The following NLGN4X variants were observed in gnomAD, a reference collection of about 807,000 sequenced individuals.
NLGN4X encodes neuroligin 4 X-linked.
A neutral mutation model predicts 40.3 loss-of-function variants in NLGN4X; 3 were observed. The ratio of observed to expected loss-of-function variants is 0.07; its 90% CI spans 0.03 to 0.19. The LOEUF (loss-of-function observed/expected upper bound fraction) is 0.19, where lower values mean the gene tolerates loss of function less well. Among genes scored for constraint, NLGN4X ranks in the 10% least tolerant of loss-of-function variants. The pLI is 1.00. For synonymous variants in NLGN4X, 270 were observed against 306.8 expected (o/e 0.88, Z 1.25); for missense variants, 382 against 708.3 (o/e 0.54, Z 5.23).
At position 6,046,649 on chromosome X, in the gene NLGN4X, C is replaced by T. The variant is rs767543959; in HGVS notation, c.473-17217G>A. ...ATTAATGAAGATGATGGCATTTTTGCTGCATATATATATGCGCATAGACGA... is the reference window on the plus strand; with the variant it reads ...ATTAATGAAGATGATGGCATTTTTGTTGCATATATATATGCGCATAGACGA... On this transcript the variant is annotated intron_variant, in intron 2 of 5. Coordinates refer to ENST00000381095, the MANE Select transcript of NLGN4X (RefSeq NM_181332.3). Among the ~76,000 whole-genome samples the T allele has an allele frequency of 4.8e-4, 53 of 110,775 alleles. No homozygotes were observed. The East Asian group carries it at 0.014, about 30-fold the overall frequency.
chrX:6,001,946 G>GT (rs922274718), intron 3 of NLGN4X, among the ~76,000 whole-genome samples: 6 of 111,556 alleles, frequency 5.4e-5, no homozygotes, highest in Admixed American at 2.9e-4. Flanking sequence ...CCACTAAGGG[G>GT]TGTAGAATAT....
At chrX:6,074,547 A>T (rs2147376340) in intron 2 of NLGN4X, among the ~76,000 whole-genome samples, 1 of 112,076 alleles carries the variant, frequency 8.9e-6, no homozygotes, top group African/African-American at 3.2e-5. Flanking sequence ...CAGAGGTCAG[A>T]TTATCTTGCA....
intron 3 of NLGN4X, among the ~76,000 whole-genome samples, chrX:6,013,039 CT>C (rs1231055681): frequency 9.0e-6 from 1 of 110,942 alleles, no homozygotes; most frequent in East Asian, 2.8e-4. Flanking sequence ...GGTTTATGGT[CT>C]TTTCATAATG....
chrX:5,922,674 C>T (rs1041700965), intron 3 of NLGN4X, among the ~76,000 whole-genome samples: 5 of 110,272 alleles, frequency 4.5e-5, no homozygotes, highest in Admixed American at 9.7e-5. Context: ...ATCATCCTGG[C>T]CAACATGGTG....
chrX:6,008,326 A>AC (rs1267210414), intron 3 of NLGN4X, among the ~76,000 whole-genome samples: 7 of 112,215 alleles, frequency 6.2e-5, no homozygotes, highest in African/African-American at 2.3e-4. Context: ...ATCAAATGAA[A>AC]AATAGATAAA....
chrX:6,166,722 C>T (rs147935153), intron 1 of NLGN4X, among the ~76,000 whole-genome samples: 1,746 of 110,442 alleles, frequency 0.016, 33 homozygotes, highest in African/African-American at 0.052. Context: ...CTATCTCATA[C>T]GAGTCTTATC....
intron 4 of NLGN4X, among the ~76,000 whole-genome samples, chrX:5,904,751 C>T (rs1200370811): frequency 8.9e-6 from 1 of 112,157 alleles, no homozygotes; most frequent in Non-Finnish European, 1.9e-5. Flanking sequence ...ATTCCATTTA[C>T]ACTTGCTTCC....
intron 2 of NLGN4X, among the ~76,000 whole-genome samples, chrX:6,102,641 T>TAC (rs2038937643): frequency 1.2e-4 from 11 of 93,025 alleles, no homozygotes; most frequent in Admixed American, 4.9e-4. Flanking sequence ...GATTGATAGA[T>TAC]ATATACATAC....
intron 3 of NLGN4X, among the ~76,000 whole-genome samples, chrX:5,971,154 T>C (rs763978094): frequency 4.5e-5 from 5 of 112,003 alleles, no homozygotes; most frequent in African/African-American, 6.5e-5. Flanking sequence ...AGAACCCATT[T>C]GTCAGACCAG....
chrX:6,074,796 T>C (rs1464783488), intron 2 of NLGN4X, among the ~76,000 whole-genome samples: 1 of 111,068 alleles, frequency 9.0e-6, no homozygotes, highest in Non-Finnish European at 1.9e-5. Flanking sequence ...TCATCAGCAA[T>C]AGCAGACAAT....
intron 2 of NLGN4X, among the ~76,000 whole-genome samples, chrX:6,110,195 A>G (rs778138738): frequency 8.9e-6 from 1 of 112,021 alleles, no homozygotes; most frequent in South Asian, 3.7e-4. Flanking sequence ...CCAGAGATGT[A>G]TGGCACAGTC....
chrX:6,222,029 A>G (rs183354548), intron 1 of NLGN4X, among the ~76,000 whole-genome samples: 1 of 111,831 alleles, frequency 8.9e-6, no homozygotes, highest in Non-Finnish European at 1.9e-5. Flanking sequence ...TAGTAACCTC[A>G]GTCCTTTCTT....
chrX:6,003,067 T>C (rs2036011900), intron 3 of NLGN4X, among the ~76,000 whole-genome samples: 1 of 111,682 alleles, frequency 9.0e-6, no homozygotes, highest in Non-Finnish European at 1.9e-5. Flanking sequence ...CTCCTGGACG[T>C]CAGTCTGTTG....
At chrX:5,992,286 G>A (rs772515232) in intron 3 of NLGN4X, among the ~76,000 whole-genome samples, 9 of 112,012 alleles carry the variant, frequency 8.0e-5, no homozygotes, top group Non-Finnish European at 1.3e-4. Flanking sequence ...TTGCTATAAC[G>A]GAATACCTGA....
intron 3 of NLGN4X, among the ~76,000 whole-genome samples, chrX:5,995,200 G>A (rs902353021): frequency 8.9e-6 from 1 of 112,125 alleles, no homozygotes; most frequent in Non-Finnish European, 1.9e-5. Flanking sequence ...TCCTATTTAA[G>A]AGAAAGGAGT....
At chrX:6,032,629 A>AG (rs2036898145) in intron 2 of NLGN4X, 2 of 770,292 alleles carry the variant, frequency 2.6e-6, no homozygotes, top group Non-Finnish European at 1.8e-6. Context: ...GAAAAAAAAA[A>AG]AGAGAGATAG....
chrX:6,147,454 A>G (rs1048835799), intron 2 of NLGN4X, among the ~76,000 whole-genome samples: 3 of 112,410 alleles, frequency 2.7e-5, no homozygotes, highest in Non-Finnish European at 5.6e-5. Context: ...TCCATAACTC[A>G]TCTTTCTGTG....
intron 1 of NLGN4X, among the ~76,000 whole-genome samples, chrX:6,203,645 T>C (rs1400783564): frequency 8.9e-6 from 1 of 112,001 alleles, no homozygotes; most frequent in African/African-American, 3.2e-5. Context: ...GAGAAGCCCA[T>C]GTGGCCAAGA....
intron 2 of NLGN4X, among the ~76,000 whole-genome samples, chrX:6,127,057 CAGGT>C (rs907692858): frequency 5.4e-5 from 6 of 110,987 alleles, no homozygotes; most frequent in African/African-American, 9.8e-5. Flanking sequence ...GGTAAATAAA[CAGGT>C]TCACTCTTGC....
Sources: allele counts gnomAD v4.1 joint callset (sites outside exome capture counted in the v4.1 genomes callset), GRCh38; gene constraint gnomAD v4.1.1; transcripts MANE v1.5; gene names NCBI Gene and HGNC (gene_info 2026-07-23, HGNC 2026-07-21).